The following KLHL5 variants were observed in gnomAD, a reference collection of about 807,000 sequenced individuals.
The protein encoded by KLHL5 is kelch-like protein 5.
A neutral mutation model predicts 77.7 loss-of-function variants in KLHL5; 48 were observed. The ratio of observed to expected loss-of-function variants is 0.62; its 90% CI spans 0.49 to 0.79. KLHL5 has a LOEUF of 0.79. KLHL5 is among the 30% of genes least tolerant of loss of function. The probability of loss-of-function intolerance (pLI) is 0.00; values close to 1 mark genes in which losing one functional copy is unlikely to be tolerated. For missense variants in KLHL5, 723 were observed against 859.7 expected, an observed-to-expected ratio of 0.84 and a Z score of 1.99; for synonymous variants, 260 against 297.0, an observed-to-expected ratio of 0.88 and a Z score of 1.28.
chr4:39,135,966 A>G, the KLHL5 span, among the ~76,000 whole-genome samples: 3 of 151,394 alleles, frequency 2.0e-5, no homozygotes, highest in South Asian at 2.1e-4. Flanking sequence ...GAATTATGAT[A>G]TGGTCCAAAA....
At chr4:39,128,508 T>C (rs1399700903), downstream of KLHL5, among the ~76,000 whole-genome samples, 2 of 152,198 alleles carry the variant, frequency 1.3e-5, no homozygotes, top group Non-Finnish European at 2.9e-5. Flanking sequence ...TGCCAATTTA[T>C]TGTTTTTAAA....
chr4:39,053,951 T>G (rs1370402283), intron 1 of KLHL5, among the ~76,000 whole-genome samples: 1 of 152,196 alleles, frequency 6.6e-6, no homozygotes, highest in East Asian at 1.9e-4. Context: ...CACTTGTACT[T>G]GGTGAATAAA....
In KLHL5 at chr4:39,101,126, T is replaced by TATACATA. The variant is rs1553892884; in HGVS notation, c.1301-2161_1301-2160insATACATA. ...TTTGTTAATTTTGGATATTTGGATT[T>TATACATA]TATATATATATATATATATATCTAC... On this transcript the variant is annotated intron_variant, in intron 6 of 10. Transcript: ENST00000504108. Among the ~76,000 whole-genome samples the TATACATA allele has an allele frequency of 4.6e-3, 627 of 134,844 alleles. 30 individuals are homozygous for TATACATA. In the East Asian group the frequency reaches 0.1, roughly 22 times the overall value. 88.5% of individuals were successfully genotyped at this position (134,844 alleles called of 152,430 possible).
chr4:39,121,252 C>T lies in KLHL5; in HGVS notation c.*186C>T, dbSNP rs1723192287. On this transcript the variant is annotated 3_prime_UTR_variant, in exon 11 of 11. Transcript: ENST00000504108. ...TGGATGGACCAGGATTAATTCCTTT[C>T]ATTTCTTAGTAAATTAAAACCTGCA... The T allele has an allele frequency of 1.7e-6, 1 of 587,960 alleles. No homozygotes were observed. Among genetic ancestry groups the T allele is most frequent in the Admixed American group, 3.0e-5 (1 of 33,420 alleles). 36.4% of individuals were successfully genotyped at this position (587,960 alleles called of 1,614,324 possible). A position where few individuals can be genotyped will look rare whatever the true frequency, so the allele number is the denominator to read the frequency against.
chr4:39,115,202 A>G lies in KLHL5; in HGVS notation c.1945A>G (p.Ser649Gly). 6.2e-7 allele frequency: 1 copy of G among 1,613,526 alleles called. No individual in the cohort carries two copies. Among genetic ancestry groups the G allele is most frequent in the South Asian group, 1.1e-5 (1 of 90,878 alleles). Residue 649 changes from serine (S) to glycine (G), a missense_variant, in exon 10 of 11, where the codon AGC becomes GGC. Around this residue, in one of 3 missense-constraint regions of KLHL5, gnomAD observed 214 missense variants for 237.4 expected, o/e 0.90. Transcript: ENST00000504108. ...CATGTGGACTGCAGTAGCATCCATG[A>G]GCATCAGCAGAGATGCAGTGGGGGT... ...TDMWTAVASM[S>G]ISRDAVGVCL...
At chr4:39,046,652 G>A (rs940856623) in intron 1 of KLHL5, among the ~76,000 whole-genome samples, 1 of 152,140 alleles carries the variant, frequency 6.6e-6, no homozygotes, top group Non-Finnish European at 1.5e-5. Flanking sequence ...AACCAGTTCT[G>A]CCCTAACCAA....
intron 5 of KLHL5, 115 bp downstream of exon 5, chr4:39,086,842 T>C: frequency 1.4e-6 from 1 of 718,308 alleles, no homozygotes; most frequent in Non-Finnish European, 2.4e-6. Flanking sequence ...GCTAACAAAA[T>C]TCTGCTTATG....
intron 1 of KLHL5, among the ~76,000 whole-genome samples, chr4:39,070,274 G>A (rs912278257): frequency 6.6e-6 from 1 of 152,018 alleles, no homozygotes; most frequent in African/African-American, 2.4e-5. Context: ...AGTAGAGGTG[G>A]GTTTTATTAC....
chr4:39,055,670 G>A (rs938405202), intron 1 of KLHL5, among the ~76,000 whole-genome samples: 2 of 152,038 alleles, frequency 1.3e-5, no homozygotes, highest in Admixed American at 6.5e-5. Context: ...TCTGAAAAGG[G>A]GGCTTTCACT....
At chr4:39,093,346 A>G in intron 5 of KLHL5, 1 of 453,140 alleles carries the variant, frequency 2.2e-6, no homozygotes, top group South Asian at 1.6e-5. Flanking sequence ...GAAGATGGGA[A>G]TGAGGATCAA....
intron 1 of KLHL5, among the ~76,000 whole-genome samples, chr4:39,067,563 T>C (rs1316325430): frequency 6.6e-6 from 1 of 152,202 alleles, no homozygotes; most frequent in Non-Finnish European, 1.5e-5. Flanking sequence ...TAGCTAATTA[T>C]TCATTCTAAC....
rs914854779 is a variant in KLHL5, at chr4:39,123,286, T to C, written c.*2220T>C. Reference sequence around the variant, plus strand: ...GTTTACTGGCAAACTATGCCAAACATATAAAGAAGAATTAACACTAATCCT... The same window carrying C: ...GTTTACTGGCAAACTATGCCAAACACATAAAGAAGAATTAACACTAATCCT... On this transcript the variant is annotated 3_prime_UTR_variant, in exon 11 of 11. Coordinates refer to ENST00000504108, the MANE Select transcript of KLHL5 (RefSeq NM_015990.5). 6.6e-6 allele frequency among the ~76,000 whole-genome samples: 1 copy of C among 152,086 alleles called. No homozygotes were observed. Among genetic ancestry groups the C allele is most frequent in the Non-Finnish European group, 1.5e-5 (1 of 68,016 alleles).
the KLHL5 span, among the ~76,000 whole-genome samples, chr4:39,140,730 T>C: frequency 2.0e-5 from 3 of 152,226 alleles, no homozygotes; most frequent in African/African-American, 7.2e-5. Flanking sequence ...ACTGCACATC[T>C]GATCTCAGAA....
intron 1 of KLHL5, among the ~76,000 whole-genome samples, chr4:39,074,140 C>T (rs74567920): frequency 0.016 from 2,355 of 151,928 alleles, 60 homozygotes; most frequent in African/African-American, 0.054. Context: ...TTGGATTTTC[C>T]AAGTCATTAC....
intron 10 of KLHL5, among the ~76,000 whole-genome samples, chr4:39,118,256 T>A (rs1483918355): frequency 1.3e-5 from 2 of 151,936 alleles, no homozygotes; most frequent in Non-Finnish European, 2.9e-5. Context: ...CTGTACAGGA[T>A]GAGGAATCTG....
In KLHL5 at chr4:39,081,028, A is replaced by G. The variant is rs1435458535; in HGVS notation, c.567-75A>G. ...ATGCACTGTGAGTAACAAATAAAAA[A>G]GAAGCAGCAGCATTTATTAATGAAC... On this transcript the variant is annotated intron_variant, in intron 2 of 10. Coordinates refer to ENST00000504108, the MANE Select transcript of KLHL5 (RefSeq NM_015990.5). This position sits in a 1 kb window ranked among gnomAD's most constrained non-coding sequence, Gnocchi z 4.3. The G allele has an allele frequency of 2.8e-6, 4 of 1,435,234 alleles. No homozygotes were observed. The highest frequency in any genetic ancestry group is 3.8e-6 in the Non-Finnish European group (4 of 1,055,772). 88.9% of individuals were successfully genotyped at this position (1,435,234 alleles called of 1,614,324 possible).
chr4:39,086,623 A>G lies in KLHL5; in HGVS notation c.1009A>G (p.Ile337Val), dbSNP rs747420750. ...DDMNIPNEET[I>V]LNALLTWVRH... ...CATGAACATTCCTAATGAGGAGACAATATTGAATGCACTTCTTACTTGGGT... is the reference window on the plus strand; with the variant it reads ...CATGAACATTCCTAATGAGGAGACAGTATTGAATGCACTTCTTACTTGGGT... Residue 337 changes from isoleucine to valine, a missense_variant, in exon 5 of 11, where the codon ATA (isoleucine) becomes GTA (valine). This residue lies in a region of KLHL5 where 288 missense variants were observed against 400.3 expected (regional missense o/e 0.72). Coordinates refer to ENST00000504108, the MANE Select transcript of KLHL5 (RefSeq NM_015990.5). The G allele has an allele frequency of 9.3e-6, 15 of 1,613,832 alleles. No homozygotes were observed. Among genetic ancestry groups the G allele is most frequent in the Non-Finnish European group, 1.2e-5 (14 of 1,179,906 alleles).
intron 1 of KLHL5, among the ~76,000 whole-genome samples, chr4:39,063,302 T>C (rs1034523359): frequency 6.6e-6 from 1 of 152,138 alleles, no homozygotes; most frequent in African/African-American, 2.4e-5. Flanking sequence ...GAAAATAATA[T>C]ATAGTAGCAA....
At chr4:39,057,354 T>C (rs1415258474), upstream of KLHL5, among the ~76,000 whole-genome samples, 2 of 152,188 alleles carry the variant, frequency 1.3e-5, no homozygotes, top group Non-Finnish European at 2.9e-5. Flanking sequence ...TTTACAGAAA[T>C]ACAGGATATT....
Sources: allele counts gnomAD v4.1 joint callset (sites outside exome capture counted in the v4.1 genomes callset), GRCh38; gene constraint gnomAD v4.1.1; regional missense constraint gnomAD v4.1.1; non-coding constraint Gnocchi (gnomAD v3.1); transcripts MANE v1.5; gene names NCBI Gene and HGNC (gene_info 2026-07-23, HGNC 2026-07-21).